The following ACAD11 variants were observed in gnomAD, a reference collection of about 807,000 sequenced individuals.
ACAD11 encodes the protein acyl-CoA dehydrogenase family member 11, also known as acyl-Coenzyme A dehydrogenase family, member 11.
ACAD11 carries 83 observed loss-of-function variants against 102.2 expected under a neutral mutation model. The observed-to-expected ratio is 0.81, with a 90% confidence interval of 0.68 to 0.97. The LOEUF is 0.97. ACAD11 is among the 50% of genes least tolerant of loss of function. The probability of loss-of-function intolerance (pLI) is 0.00; values close to 1 mark genes in which losing one functional copy is unlikely to be tolerated. For missense variants in ACAD11, 901 were observed against 951.7 expected, an observed-to-expected ratio of 0.95 and a Z score of 0.70; for synonymous variants, 324 against 319.8, an observed-to-expected ratio of 1.01 and a Z score of -0.14.
chr3:132,603,947 C>T (rs967971579), intron 12 of ACAD11, among the ~76,000 whole-genome samples: 2 of 152,118 alleles, frequency 1.3e-5, no homozygotes, highest in African/African-American at 4.8e-5. Flanking sequence ...TCAGATATCC[C>T]ATGTGTTCTG....
chr3:132,580,383 C>T (rs1319679538), intron 13 of ACAD11, among the ~76,000 whole-genome samples: 1 of 151,932 alleles, frequency 6.6e-6, no homozygotes, highest in African/African-American at 2.4e-5. Context: ...CAGTAAAGTT[C>T]AGACTGTGGG....
chr3:132,637,201 A>G (rs779645596), intron 5 of ACAD11, among the ~76,000 whole-genome samples: 2 of 152,160 alleles, frequency 1.3e-5, no homozygotes, highest in African/African-American at 2.4e-5. Flanking sequence ...TAATAATAAT[A>G]ATGATGATAT....
At chr3:132,657,510 C>G (rs1012987086) in intron 1 of ACAD11, among the ~76,000 whole-genome samples, 9 of 152,124 alleles carry the variant, frequency 5.9e-5, no homozygotes, top group African/African-American at 1.9e-4. Context: ...ATCAATAGAT[C>G]AACTGGAAGA....
chr3:132,643,384 T>C (rs1940596698), intron 2 of ACAD11, among the ~76,000 whole-genome samples: 1 of 152,148 alleles, frequency 6.6e-6, no homozygotes, highest in Non-Finnish European at 1.5e-5. Context: ...AGTAGGCAGC[T>C]AGAAGCAAAC....
intron 11 of ACAD11, among the ~76,000 whole-genome samples, chr3:132,611,963 G>C (rs1468593141): frequency 3.3e-5 from 5 of 151,968 alleles, no homozygotes; most frequent in African/African-American, 9.7e-5. Context: ...CACGCTACCT[G>C]ACTTCAAACT....
rs371534888 is a variant in ACAD11 at position 132,631,406 on chromosome 3, G to C, written c.776C>G (p.Ser259Cys). Residue 259 changes from serine (S) to cysteine (C), a missense_variant, in exon 6 of 20, where the codon TCC becomes TGC. Transcript: ENST00000264990. ...TGTCCTTGGCCAAAAGTAGAACAGG[G>C]AAAAATGAGCTAAGTCTGACAAAGG... ...GHPLSDLAHF[S>C]LFYFWPRTVP... The C allele has an allele frequency of 1.9e-6, 3 of 1,569,574 alleles. No individual in the cohort carries two copies. The highest frequency in any genetic ancestry group is 8.7e-7 in the Non-Finnish European group (1 of 1,155,514).
chr3:132,609,209 C>A (rs535047138), intron 11 of ACAD11, among the ~76,000 whole-genome samples: 1 of 152,030 alleles, frequency 6.6e-6, no homozygotes, highest in Non-Finnish European at 1.5e-5. Flanking sequence ...AAAATTGACA[C>A]GCTAACATCA....
Position 132,603,545 on chromosome 3 carries a change from A to C in ACAD11, c.1523-218T>G, listed in dbSNP as rs151199900. Among the ~76,000 whole-genome samples, 373 of 152,352 alleles carry C rather than the reference A, an allele frequency of 2.4e-3. 2 individuals are homozygous for C. Among genetic ancestry groups the C allele is most frequent in the African/African-American group, 8.5e-3 (353 of 41,582 alleles). On this transcript the variant is annotated intron_variant, in intron 12 of 19. Coordinates refer to ENST00000264990, the MANE Select transcript of ACAD11 (RefSeq NM_032169.5). ...TGAAGTATACTGAACATTGGGGATC[A>C]GTATTTTGAACTGTATTTTTGGCTT...
intron 11 of ACAD11, among the ~76,000 whole-genome samples, chr3:132,616,115 T>C (rs1205420584): frequency 1.3e-5 from 2 of 152,182 alleles, no homozygotes; most frequent in Non-Finnish European, 2.9e-5. Context: ...GAGGCCTTCG[T>C]GGTACCTTCA....
Position 132,619,499 on chromosome 3 carries a change from C to A in ACAD11, c.1244G>T (p.Trp415Leu). ...YVQNENSVDKWGKPLVIDKLK... is the reference protein window; with the variant it reads ...YVQNENSVDKLGKPLVIDKLK... The stretch of plus-strand genomic sequence containing the variant: ...TTTATCAATCACTAAAGGTTTTCCC[C>A]ACTTGTCCACTGAATTTTCATTTTG... Residue 415 changes from tryptophan (W) to leucine (L), a missense_variant, in exon 10 of 20, where the codon TGG becomes TTG. Coordinates refer to ENST00000264990, the MANE Select transcript of ACAD11 (RefSeq NM_032169.5). The A allele has an allele frequency of 6.3e-7, 1 of 1,592,698 alleles. No individual in the cohort carries two copies. Among genetic ancestry groups the A allele is most frequent in the Non-Finnish European group, 8.5e-7 (1 of 1,171,764 alleles).
At chr3:132,613,237 A>T (rs925473434) in intron 11 of ACAD11, among the ~76,000 whole-genome samples, 24 of 151,138 alleles carry the variant, frequency 1.6e-4, no homozygotes, top group Middle Eastern at 3.4e-3. Flanking sequence ...GGGGTGGGGG[A>T]AGGGGGGAGG....
At chr3:132,580,410 T>C (rs1937581050) in intron 13 of ACAD11, among the ~76,000 whole-genome samples, 1 of 151,946 alleles carries the variant, frequency 6.6e-6, no homozygotes. Context: ...ATAAGACAAC[T>C]AATCCAGTTT....
intron 13 of ACAD11, among the ~76,000 whole-genome samples, chr3:132,587,467 T>C (rs1482522582): frequency 6.6e-6 from 1 of 152,178 alleles, no homozygotes; most frequent in Non-Finnish European, 1.5e-5. Context: ...TACCTGGTTA[T>C]TTTTTATGTT....
rs1940525618 is a variant in ACAD11, at chr3:132,641,698, G to GAAGAAGAA, written c.537+273_537+274insTTCTTCTT. 8.0e-4 allele frequency among the ~76,000 whole-genome samples: 93 copies of GAAGAAGAA among 116,674 alleles called. 1 individual carries two copies. The highest frequency in any genetic ancestry group is 3.0e-3 in the African/African-American group (73 of 24,062). 76.5% of individuals were successfully genotyped at this position (116,674 alleles called of 152,430 possible). ...AGGAAGAGGAAGAGGAAGAGGAAGA[G>GAAGAAGAA]GAAGAAGAAGAAGAAGAAGAAGAAG... is the stretch of plus-strand genomic sequence containing the variant. On this transcript the variant is annotated intron_variant, in intron 4 of 19. Coordinates refer to ENST00000264990, the MANE Select transcript of ACAD11 (RefSeq NM_032169.5).
intron 14 of ACAD11, 83 bp downstream of exon 14, chr3:132,579,408 CA>C: frequency 9.1e-7 from 1 of 1,093,456 alleles, no homozygotes; most frequent in Non-Finnish European, 1.4e-6. Flanking sequence ...TGAGTCCAAA[CA>C]GTGAATTTTA....
At chr3:132,597,378 G>C (rs1938361485) in intron 13 of ACAD11, 1 of 149,698 alleles carries the variant, frequency 6.7e-6, no homozygotes, top group South Asian at 2.1e-4. Context: ...TAAGCCCAAA[G>C]ATCTTGTATA....
chr3:132,576,936 C>G lies in ACAD11; in HGVS notation c.1846+8G>C, dbSNP rs749190457. 54 of 1,588,702 alleles carry G rather than the reference C, an allele frequency of 3.4e-5. 1 individual carries two copies. In the South Asian group the frequency reaches 5.3e-4, roughly 16 times the overall value. Reference sequence around the variant, plus strand: ...AATACTGAAGAATCATTTCCAAATTCAACTCACCTAGTATTAGATTTGTGG... The same window carrying G: ...AATACTGAAGAATCATTTCCAAATTGAACTCACCTAGTATTAGATTTGTGG... On this transcript the variant is annotated splice_region_variant and intron_variant, in intron 16 of 19. Transcript: ENST00000264990.
intron 13 of ACAD11, among the ~76,000 whole-genome samples, chr3:132,599,432 G>A (rs1371886103): frequency 3.9e-5 from 6 of 152,010 alleles, no homozygotes. Context: ...GCATGAACCC[G>A]GGAGGCGGAG....
At chr3:132,605,850 A>T (rs1357667597) in intron 11 of ACAD11, among the ~76,000 whole-genome samples, 1 of 152,206 alleles carries the variant, frequency 6.6e-6, no homozygotes, top group African/African-American at 2.4e-5. Context: ...TATGTACCCC[A>T]TACTACCTAG....
Sources: allele counts gnomAD v4.1 joint callset (sites outside exome capture counted in the v4.1 genomes callset), GRCh38; gene constraint gnomAD v4.1.1; transcripts MANE v1.5; gene names NCBI Gene and HGNC (gene_info 2026-07-23, HGNC 2026-07-21).